The following LAMA3 variants were observed in gnomAD, a reference collection of about 807,000 sequenced individuals.
The protein encoded by LAMA3 is laminin subunit alpha-3.
In LAMA3, 281 loss-of-function variants were observed where a neutral mutation model predicts 402.0. That is an observed-to-expected ratio of 0.70 (90% CI 0.63 to 0.77). The LOEUF is 0.77. Ranked by LOEUF, LAMA3 falls within the 30% of genes least tolerant of loss-of-function variation. The probability of loss-of-function intolerance (pLI) is 0.00; values close to 1 mark genes in which losing one functional copy is unlikely to be tolerated. For synonymous variants in LAMA3, 1,431 were observed against 1,558.4 expected (o/e 0.92, Z 1.93); for missense variants, 3,840 against 4,215.5 (o/e 0.91, Z 2.47).
chr18:23,894,864 G>T lies in LAMA3; in HGVS notation c.5462-43G>T, dbSNP rs745617037. The T allele has an allele frequency of 1.9e-6, 3 of 1,613,702 alleles. No homozygotes were observed. In the South Asian group the frequency reaches 3.3e-5, roughly 18 times the overall value. ...CTTGTGGTCTTTTCGCAGTCCCACG[G>T]CTCCCCCCACAGCACATTTGCCTTT... On this transcript the variant is annotated intron_variant, in intron 43 of 74. Transcript: ENST00000313654.
chr18:23,712,568 G>A (rs1026659286), intron 1 of LAMA3, among the ~76,000 whole-genome samples: 2 of 150,476 alleles, frequency 1.3e-5, no homozygotes, highest in African/African-American at 4.9e-5. Context: ...CCGACCTCAG[G>A]AAGTGGCGGG....
intron 54 of LAMA3, among the ~76,000 whole-genome samples, 197 bp from the exon 55 acceptor site, chr18:23,908,956 G>A (rs1386600448): frequency 1.5e-4 from 23 of 152,164 alleles, no homozygotes. Flanking sequence ...TTTGGACCAT[G>A]GTTGATAGCA....
At chr18:23,806,523 G>A (rs959556912) in intron 12 of LAMA3, among the ~76,000 whole-genome samples, 1 of 152,102 alleles carries the variant, frequency 6.6e-6, no homozygotes, top group Non-Finnish European at 1.5e-5. Flanking sequence ...GGGCAAAGCA[G>A]GGTTAACCTG....
At chr18:23,769,512 T>C (rs1031143852) in intron 8 of LAMA3, among the ~76,000 whole-genome samples, 2 of 152,224 alleles carry the variant, frequency 1.3e-5, no homozygotes, top group African/African-American at 4.8e-5. Flanking sequence ...GAAGGATATA[T>C]ATTGTAGTCC....
chr18:23,932,035 C>A lies in LAMA3; in HGVS notation c.8577-125C>A. The A allele has an allele frequency of 3.5e-6, 4 of 1,135,830 alleles. No homozygotes were observed. The South Asian group carries it at 5.1e-5, about 15-fold the overall frequency. The allele number at this position is 1,135,830 out of a possible 1,614,324, so 70.4% of individuals were successfully genotyped here. A position where few individuals can be genotyped will look rare whatever the true frequency, so the allele number is the denominator to read the frequency against. The stretch of plus-strand genomic sequence containing the variant: ...TTGTAATGCTCTTTAAAAATAAAGT[C>A]TAGTTTCACTAGTTATTTTAGATAA... On this transcript the variant is annotated intron_variant, in intron 65 of 74. Coordinates refer to ENST00000313654, the MANE Select transcript of LAMA3 (RefSeq NM_198129.4).
chr18:23,698,859 A>T (rs1357494483), intron 1 of LAMA3, among the ~76,000 whole-genome samples: 6 of 152,220 alleles, frequency 3.9e-5, no homozygotes, highest in Admixed American at 3.9e-4. Context: ...CTAACCTCCC[A>T]TGGGGAGACT....
Position 23,898,813 on chromosome 18 carries a change from G to T in LAMA3, c.5689G>T (p.Asp1897Tyr). ...AGAAGGCCTGGAAAGAGAACTGACT[G>T]ATTTGAATCAAGAATTTGAGACTTT... is the stretch of plus-strand genomic sequence containing the variant. ...KIEGLERELT[D>Y]LNQEFETLQE... Residue 1897 changes from aspartate to tyrosine, a missense_variant, in exon 45 of 75, where the codon GAT becomes TAT. Asp to Tyr is a radical substitution (Grantham distance 160). Coordinates refer to ENST00000313654, the MANE Select transcript of LAMA3 (RefSeq NM_198129.4). 6.2e-7 allele frequency: 1 copy of T among 1,611,940 alleles called. No homozygotes were observed. Among genetic ancestry groups the T allele is most frequent in the Non-Finnish European group, 8.5e-7 (1 of 1,178,012 alleles).
intron 19 of LAMA3, 74 bp downstream of exon 19, chr18:23,820,071 C>G: frequency 1.4e-6 from 2 of 1,435,192 alleles, no homozygotes; most frequent in Admixed American, 3.4e-5. Context: ...CAGGGAGCCC[C>G]CTGAAAGGTG....
At chr18:23,782,331 G>A (rs1481391560) in intron 11 of LAMA3, among the ~76,000 whole-genome samples, 6 of 152,040 alleles carry the variant, frequency 3.9e-5, no homozygotes, top group East Asian at 3.9e-4. Flanking sequence ...TGAGGCAGGC[G>A]GATCACCTGA....
intron 32 of LAMA3, among the ~76,000 whole-genome samples, chr18:23,849,487 T>C (rs556125269): frequency 1.3e-5 from 2 of 152,288 alleles, no homozygotes; most frequent in East Asian, 3.9e-4. Flanking sequence ...AGGGAGTGGT[T>C]TGTCAACAAT....
intron 69 of LAMA3, among the ~76,000 whole-genome samples, chr18:23,944,817 GT>G (rs2145512727): frequency 6.6e-6 from 1 of 152,324 alleles, no homozygotes; most frequent in African/African-American, 2.4e-5. Context: ...TTATTTGAAA[GT>G]GTCTGTAAAG....
chr18:23,730,871 T>C (rs1172337230), intron 2 of LAMA3, among the ~76,000 whole-genome samples: 5 of 152,182 alleles, frequency 3.3e-5, no homozygotes, highest in Non-Finnish European at 7.3e-5. Context: ...TGTTTTACAT[T>C]GTTAAATATT....
intron 12 of LAMA3, among the ~76,000 whole-genome samples, 154 bp downstream of exon 12, chr18:23,784,311 T>TGTAGGTA (rs1463181359): frequency 6.6e-6 from 1 of 152,214 alleles, no homozygotes; most frequent in Non-Finnish European, 1.5e-5. Context: ...TGGTCCTACC[T>TGTAGGTA]GGACCTTGTC....
At chr18:23,698,048 C>A (rs2060716182) in intron 1 of LAMA3, among the ~76,000 whole-genome samples, 1 of 140,902 alleles carries the variant, frequency 7.1e-6, no homozygotes, top group Non-Finnish European at 1.5e-5. Context: ...CTTCATTTTA[C>A]CTTAATTATC....
At chr18:23,810,083 C>T (rs186384885) in intron 12 of LAMA3, among the ~76,000 whole-genome samples, 82 of 152,248 alleles carry the variant, frequency 5.4e-4, no homozygotes, top group African/African-American at 1.9e-3. Context: ...ATTGAGTGCT[C>T]GCTATGATAG....
At position 23,858,826 on chromosome 18, in the gene LAMA3, T is replaced by G. The variant is rs2064147678; in HGVS notation, c.4419T>G (p.Thr1473=). The stretch of plus-strand genomic sequence containing the variant: ...GTCACAGCTCACATAAGCGAAGGAC[T>G]AAGGTATGCATTGACAGAAAGTGCT... ...NQCHSSHKRR[T]KFVDMLGWHL... is the part of the protein sequence containing the mutation. The change falls in exon 34 of 75, where the codon ACT becomes ACG. Residue 1473 remains threonine (T), a synonymous_variant. Coordinates refer to ENST00000313654, the MANE Select transcript of LAMA3 (RefSeq NM_198129.4). 6.2e-7 allele frequency: 1 copy of G among 1,614,110 alleles called. No homozygotes were observed. Among genetic ancestry groups the G allele is most frequent in the Non-Finnish European group, 8.5e-7 (1 of 1,179,932 alleles).
chr18:23,903,109 T>C lies in LAMA3; in HGVS notation c.6302T>C (p.Met2101Thr), dbSNP rs137925254. 89 of 1,605,296 alleles carry C rather than the reference T, an allele frequency of 5.5e-5. No individual in the cohort carries two copies. The highest frequency in any genetic ancestry group is 1.2e-4 in the Admixed American group (7 of 59,994). ...CAAACCAACATTGCGCTGCAGCTGATGGAGAAAAGCCAGAAGGTAGAGGAA... is the reference window on the plus strand; with the variant it reads ...CAAACCAACATTGCGCTGCAGCTGACGGAGAAAAGCCAGAAGGTAGAGGAA... ...LLQTNIALQL[M>T]EKSQKEYEKL... The change falls in exon 49 of 75, where the codon ATG (methionine) becomes ACG (threonine). Residue 2101 changes from methionine (M) to threonine (T), a missense_variant. By Grantham distance (81) the Met-to-Thr change is moderately conservative. Transcript: ENST00000313654.
intron 2 of LAMA3, among the ~76,000 whole-genome samples, chr18:23,717,791 G>A (rs1238660879): frequency 2.9e-5 from 4 of 139,152 alleles, no homozygotes; most frequent in Non-Finnish European, 6.0e-5. Flanking sequence ...GGCTGGTCTC[G>A]AACTCCTGAC....
At chr18:23,751,332 G>A (rs2061748709) in intron 5 of LAMA3, among the ~76,000 whole-genome samples, 1 of 152,092 alleles carries the variant, frequency 6.6e-6, no homozygotes, top group Non-Finnish European at 1.5e-5. Context: ...AGTCAGCCTG[G>A]TACTAGTCTG....
Sources: allele counts gnomAD v4.1 joint callset (sites outside exome capture counted in the v4.1 genomes callset), GRCh38; gene constraint gnomAD v4.1.1; transcripts MANE v1.5; gene names NCBI Gene and HGNC (gene_info 2026-07-23, HGNC 2026-07-21).